The following MVK variants were observed in gnomAD, a reference collection of about 807,000 sequenced individuals.
The protein encoded by MVK is mevalonate kinase.
In MVK, 34 loss-of-function variants were observed where a neutral mutation model predicts 43.2. That is an observed-to-expected ratio of 0.79 (90% CI 0.60 to 1.05). The LOEUF is 1.05. Ranked by LOEUF, MVK falls within the 50% of genes least tolerant of loss-of-function variation. MVK has a pLI of 0.00. For missense variants in MVK, 395 were observed against 504.0 expected, an observed-to-expected ratio of 0.78 and a Z score of 2.07; for synonymous variants, 190 against 219.8, an observed-to-expected ratio of 0.86 and a Z score of 1.20.
chr12:109,574,631 C>G (rs1320209488), intron 1 of MVK, among the ~76,000 whole-genome samples, 178 bp from the exon 2 acceptor site: 1 of 152,192 alleles, frequency 6.6e-6, no homozygotes, highest in African/African-American at 2.4e-5. Context: ...CATTTGAACC[C>G]AGATCTGTTG....
intron 7 of MVK, chr12:109,589,487 T>C (rs142924562): frequency 3.7e-4 from 56 of 151,732 alleles, no homozygotes; most frequent in African/African-American, 1.3e-3. Flanking sequence ...GTTTGTGAAG[T>C]GGATCAAGAT....
At chr12:109,579,490 A>C (rs752304896) in intron 3 of MVK, among the ~76,000 whole-genome samples, 9 of 152,216 alleles carry the variant, frequency 5.9e-5, no homozygotes, top group Non-Finnish European at 1.0e-4. Context: ...CTGTGCTAAA[A>C]AGTTTACACC....
intron 4 of MVK, 111 bp from the exon 5 acceptor site, chr12:109,581,284 G>T: frequency 7.1e-7 from 1 of 1,405,532 alleles, no homozygotes. Flanking sequence ...TCCCCCAGTT[G>T]AGAAAACTGG....
At chr12:109,579,295 A>G in intron 3 of MVK, 1 of 385,446 alleles carries the variant, frequency 2.6e-6, no homozygotes, top group Non-Finnish European at 5.1e-6. Flanking sequence ...GTGCGCCACC[A>G]TGCCTGGCTA....
chr12:109,582,617 ACC>A (rs1885269000), intron 5 of MVK, among the ~76,000 whole-genome samples: 1 of 66,980 alleles, frequency 1.5e-5, no homozygotes, highest in African/African-American at 5.5e-5. Context: ...ACCCCACCCC[ACC>A]CCACCACACC....
intron 7 of MVK, chr12:109,587,109 T>C (rs1232488301): frequency 2.5e-6 from 1 of 395,620 alleles, no homozygotes; most frequent in African/African-American, 2.1e-5. Context: ...AATCCATTAC[T>C]TCCTGTGTTC....
chr12:109,594,333 G>A (rs893527139), intron 9 of MVK, among the ~76,000 whole-genome samples: 1 of 152,182 alleles, frequency 6.6e-6, no homozygotes, highest in African/African-American at 2.4e-5. Context: ...AGTTTATCCT[G>A]CATAACTGAA....
rs1885871249 is a variant in MVK, at chr12:109,595,309, G to A, written c.1039+128G>A. On this transcript the variant is annotated intron_variant, in intron 10 of 10. Coordinates refer to ENST00000228510, the MANE Select transcript of MVK (RefSeq NM_000431.4). The surrounding 1 kb of genome is among the most constrained non-coding windows in gnomAD (Gnocchi z 5.9). ...AGCTCCGCTGTGTGGCCTTGGGCAAGTTAGTTAACCTCTGGTCTTTGCTTC... is the reference window on the plus strand; with the variant it reads ...AGCTCCGCTGTGTGGCCTTGGGCAAATTAGTTAACCTCTGGTCTTTGCTTC... 1 of 1,203,036 alleles carries A rather than the reference G, an allele frequency of 8.3e-7. No individual in the cohort carries two copies. Among genetic ancestry groups the A allele is most frequent in the South Asian group, 1.4e-5 (1 of 69,196 alleles). The allele number at this position is 1,203,036 out of a possible 1,614,324, so 74.5% of individuals were successfully genotyped here. A position where few individuals can be genotyped will look rare whatever the true frequency, so the allele number is the denominator to read the frequency against.
intron 5 of MVK, among the ~76,000 whole-genome samples, chr12:109,585,771 A>C (rs968652599): frequency 6.6e-6 from 1 of 152,110 alleles, no homozygotes; most frequent in Non-Finnish European, 1.5e-5. Context: ...AAAAAAAAGA[A>C]AAAAAAAGAG....
Position 109,597,112 on chromosome 12 carries a change from T to C in MVK, c.*535T>C, listed in dbSNP as rs529853682. ...CAGCACTTGGTGTGGCCTTCCCTTC[T>C]ACCTAGCGGGATGGGGCTCCCCCAG... On this transcript the variant is annotated 3_prime_UTR_variant, in exon 11 of 11. Coordinates refer to ENST00000228510, the MANE Select transcript of MVK (RefSeq NM_000431.4). 1 of 199,988 alleles carries C rather than the reference T, an allele frequency of 5.0e-6. No homozygotes were observed. The highest frequency in any genetic ancestry group is 1.3e-4 in the East Asian group (1 of 7,942). 12.4% of individuals were successfully genotyped at this position (199,988 alleles called of 1,614,324 possible). A position where few individuals can be genotyped will look rare whatever the true frequency, so the allele number is the denominator to read the frequency against.
chr12:109,596,641 G>C lies in MVK; in HGVS notation c.*64G>C, dbSNP rs1885927512. The C allele has an allele frequency of 6.3e-7, 1 of 1,580,762 alleles. No homozygotes were observed. The highest frequency in any genetic ancestry group is 8.6e-7 in the Non-Finnish European group (1 of 1,167,608). ...TTTCTGGATTATTCTGGGGGCTGCAGTTCGACTCTGTGCTGGCCAGCGAGC... is the reference window on the plus strand; with the variant it reads ...TTTCTGGATTATTCTGGGGGCTGCACTTCGACTCTGTGCTGGCCAGCGAGC... On this transcript the variant is annotated 3_prime_UTR_variant, in exon 11 of 11. Transcript: ENST00000228510.
chr12:109,575,385 A>G (rs371549282), intron 2 of MVK, among the ~76,000 whole-genome samples: 1 of 151,314 alleles, frequency 6.6e-6, no homozygotes, highest in East Asian at 1.9e-4. Flanking sequence ...CTTGGTGTGA[A>G]CCTAAGTCTG....
At position 109,576,030 on chromosome 12, in the gene MVK, A is replaced by G; in HGVS notation, c.111A>G (p.Thr37=). Residue 37 remains threonine (T), a synonymous_variant, in exon 3 of 11, where the codon ACA becomes ACG. Transcript: ENST00000228510. ...TGGCTGTATCCTTGAACTTGAGAAC[A>G]TTCCTCCGGCTTCAACCCCACAGCA... is the stretch of plus-strand genomic sequence containing the variant. ...VALAVSLNLR[T]FLRLQPHSNG... 1.2e-6 allele frequency: 2 copies of G among 1,614,202 alleles called. No homozygotes were observed. The highest frequency in any genetic ancestry group is 1.1e-5 in the South Asian group (1 of 91,082).
chr12:109,585,511 G>A (rs1885397723), intron 5 of MVK, among the ~76,000 whole-genome samples: 2 of 152,292 alleles, frequency 1.3e-5, no homozygotes, highest in South Asian at 2.1e-4. Flanking sequence ...CAGGGGCCAG[G>A]TGCGGTGGCT....
chr12:109,588,343 G>A (rs1432025245), intron 7 of MVK: 1 of 152,328 alleles, frequency 6.6e-6, no homozygotes, highest in Non-Finnish European at 1.5e-5. Context: ...CATTCCTTCA[G>A]TGTCTCCTGA....
At chr12:109,574,394 AAAAGCTG>A (rs1884828057) in intron 1 of MVK, among the ~76,000 whole-genome samples, 1 of 152,208 alleles carries the variant, frequency 6.6e-6, no homozygotes, top group African/African-American at 2.4e-5. Flanking sequence ...TAGTAGTTGT[AAAAGCTG>A]AAACGAAGAA....
In MVK at chr12:109,586,807, G is replaced by T. The variant is rs1197095640; in HGVS notation, c.677+8G>T. 32 of 1,613,904 alleles carry T rather than the reference G, an allele frequency of 2.0e-5. No individual in the cohort carries two copies. Among genetic ancestry groups the T allele is most frequent in the Non-Finnish European group, 2.7e-5 (32 of 1,179,866 alleles). ...GATTTCATCCTTAAAGAGGTAACCT[G>T]GGGGTGGAGCAGCACATTCAGCCAT... On this transcript the variant is annotated splice_region_variant and intron_variant, in intron 7 of 10. Transcript: ENST00000228510.
At position 109,586,884 on chromosome 12, in the gene MVK, A is replaced by G. The variant is rs1397076065; in HGVS notation, c.677+85A>G. The G allele has an allele frequency of 3.9e-6, 6 of 1,538,988 alleles. No individual in the cohort carries two copies. In the African/African-American group the frequency reaches 4.1e-5, roughly 10 times the overall value. On this transcript the variant is annotated intron_variant, in intron 7 of 10. Coordinates refer to ENST00000228510, the MANE Select transcript of MVK (RefSeq NM_000431.4). ...GAGCTCTGCACCTTTGGGAAGTACC[A>G]TAGGAGGCAGGTGTCCCTGGCTCTT...
At chr12:109,582,909 C>CCA (rs1174464664) in intron 5 of MVK, among the ~76,000 whole-genome samples, 7 of 152,066 alleles carry the variant, frequency 4.6e-5, no homozygotes, top group Admixed American at 4.6e-4. Flanking sequence ...GGAATGCACC[C>CCA]CACACACACA....
Sources: gnomAD v4.1 joint callset for allele counts (sites outside exome capture counted in the v4.1 genomes callset) on GRCh38, gnomAD v4.1.1 for gene constraint, Gnocchi (gnomAD v3.1) non-coding constraint, MANE v1.5 for transcripts, NCBI Gene and HGNC (gene_info 2026-07-23, HGNC 2026-07-21) for gene names.